Variants in TTLL5 observed in about 807,000 individuals in gnomAD.
TTLL5 encodes the protein tubulin tyrosine ligase like 5, also known as tubulin polyglutamylase TTLL5.
A neutral mutation model predicts 168.4 loss-of-function variants in TTLL5; 132 were observed. The observed-to-expected ratio is 0.78, with a 90% confidence interval of 0.68 to 0.91. TTLL5 has a LOEUF of 0.91. Ranked by LOEUF, TTLL5 falls within the 40% of genes least tolerant of loss-of-function variation. The probability of loss-of-function intolerance (pLI) is 0.00; values close to 1 mark genes in which losing one functional copy is unlikely to be tolerated. For synonymous variants in TTLL5, 546 were observed against 558.6 expected (o/e 0.98, Z 0.32); for missense variants, 1,545 against 1,581.5 (o/e 0.98, Z 0.39).
At chr14:75,745,284 T>G in intron 16 of TTLL5, 76 bp downstream of exon 16, 4 of 1,411,236 alleles carry the variant, frequency 2.8e-6, no homozygotes, top group Non-Finnish European at 4.0e-6. Flanking sequence ...TTGATAATAT[T>G]CATGACAAAC....
At chr14:75,943,640 A>G (rs556706401) in intron 31 of TTLL5, among the ~76,000 whole-genome samples, 20 of 152,218 alleles carry the variant, frequency 1.3e-4, no homozygotes, top group Non-Finnish European at 2.5e-4. Flanking sequence ...ACCTCAAATA[A>G]TTCCCACAGG....
chr14:75,705,850 T>C (rs1296229768), intron 7 of TTLL5, among the ~76,000 whole-genome samples: 4 of 152,090 alleles, frequency 2.6e-5, no homozygotes, highest in Non-Finnish European at 5.9e-5. Flanking sequence ...TAATCACATG[T>C]GAAGGTTTTT....
intron 28 of TTLL5, among the ~76,000 whole-genome samples, chr14:75,860,255 T>C (rs1897331775): frequency 6.6e-6 from 1 of 152,176 alleles, no homozygotes; most frequent in Non-Finnish European, 1.5e-5. Flanking sequence ...TTCACACACC[T>C]GCAAACCTGT....
intron 15 of TTLL5, among the ~76,000 whole-genome samples, chr14:75,736,747 A>G (rs975177343): frequency 3.3e-5 from 5 of 152,202 alleles, no homozygotes; most frequent in Admixed American, 2.0e-4. Flanking sequence ...CCCGTGCTGC[A>G]GAATTATTCC....
chr14:75,692,228 G>A (rs1001238314), intron 6 of TTLL5, among the ~76,000 whole-genome samples: 1 of 152,210 alleles, frequency 6.6e-6, no homozygotes, highest in African/African-American at 2.4e-5. Flanking sequence ...TTGGGATAGT[G>A]CCTGATAGGG....
chr14:75,773,754 G>A (rs1198528903), intron 21 of TTLL5, among the ~76,000 whole-genome samples: 1 of 151,316 alleles, frequency 6.6e-6, no homozygotes, highest in Non-Finnish European at 1.5e-5. Flanking sequence ...GCTGGGTGTG[G>A]TAGTGCGCAC....
intron 28 of TTLL5, among the ~76,000 whole-genome samples, chr14:75,846,037 A>G (rs930540223): frequency 2.6e-5 from 4 of 152,352 alleles, no homozygotes; most frequent in South Asian, 4.1e-4. Context: ...ACCCTAGTCT[A>G]TGCATTTGTA....
At chr14:75,724,222 T>C (rs1888039166) in intron 12 of TTLL5, among the ~76,000 whole-genome samples, 1 of 152,214 alleles carries the variant, frequency 6.6e-6, no homozygotes, top group Non-Finnish European at 1.5e-5. Flanking sequence ...GTTTGTATCC[T>C]ATGATTTCTT....
chr14:75,891,433 T>C (rs1008409803), intron 30 of TTLL5, among the ~76,000 whole-genome samples: 58 of 152,354 alleles, frequency 3.8e-4, no homozygotes, highest in African/African-American at 1.4e-3. Flanking sequence ...TCATCACATA[T>C]ATATTGAATG....
At chr14:75,859,257 G>A (rs1897289928) in intron 28 of TTLL5, among the ~76,000 whole-genome samples, 1 of 152,216 alleles carries the variant, frequency 6.6e-6, no homozygotes, top group Non-Finnish European at 1.5e-5. Context: ...GAAAAGTATA[G>A]CTCTTCAATG....
chr14:75,685,385 A>G (rs1884968233), intron 5 of TTLL5, among the ~76,000 whole-genome samples: 1 of 152,038 alleles, frequency 6.6e-6, no homozygotes, highest in African/African-American at 2.4e-5. Flanking sequence ...CAAAAAAAAA[A>G]AAAAAAAAAG....
intron 31 of TTLL5, among the ~76,000 whole-genome samples, chr14:75,907,845 TTAGGAGA>T (rs1184578401): frequency 1.3e-5 from 2 of 152,194 alleles, no homozygotes; most frequent in Non-Finnish European, 2.9e-5. Context: ...AGTATTTCCC[TTAGGAGA>T]CTGGCAGCCA....
At chr14:75,832,521 G>C (rs973307331) in intron 28 of TTLL5, among the ~76,000 whole-genome samples, 2 of 152,200 alleles carry the variant, frequency 1.3e-5, no homozygotes, top group Non-Finnish European at 2.9e-5. Context: ...CACCTGACTT[G>C]GGGCAAATCA....
At chr14:75,904,169 A>G (rs111971468) in intron 31 of TTLL5, 6 of 1,268,588 alleles carry the variant, frequency 4.7e-6, no homozygotes, top group Non-Finnish European at 6.1e-6. Flanking sequence ...AATTCAAGAA[A>G]TACTTGATGG....
intron 20 of TTLL5, among the ~76,000 whole-genome samples, chr14:75,766,576 CA>C (rs1890978956): frequency 6.6e-6 from 1 of 152,142 alleles, no homozygotes; most frequent in East Asian, 1.9e-4. Flanking sequence ...AGCTATGATA[CA>C]AACCCGGGTC....
In TTLL5 at chr14:75,723,010, T is replaced by C. The variant is rs549031481; in HGVS notation, c.1042+2307T>C. 2.6e-4 allele frequency among the ~76,000 whole-genome samples: 39 copies of C among 152,328 alleles called. No individual in the cohort carries two copies. The South Asian group carries it at 8.1e-3, about 32-fold the overall frequency. ...CACTCTGTTTGTAACTCTACAATAG[T>C]ATCTGTATGTTGTCTGGTAGTCATG... On this transcript the variant is annotated intron_variant, in intron 12 of 31. Coordinates refer to ENST00000298832, the MANE Select transcript of TTLL5 (RefSeq NM_015072.5).
intron 31 of TTLL5, among the ~76,000 whole-genome samples, chr14:75,951,606 TA>T (rs2034963896): frequency 6.7e-6 from 1 of 150,066 alleles, no homozygotes; most frequent in South Asian, 2.1e-4. Flanking sequence ...CAAAAAAATT[TA>T]AAAACTAGCC....
intron 3 of TTLL5, among the ~76,000 whole-genome samples, chr14:75,677,056 G>A (rs1372924382): frequency 6.6e-6 from 1 of 152,028 alleles, no homozygotes; most frequent in Non-Finnish European, 1.5e-5. Context: ...ACAGGCATGA[G>A]CCACCACACC....
At position 75,668,542 on chromosome 14, in the gene TTLL5, A is replaced by G. The variant is rs781572335; in HGVS notation, c.75-874A>G. 5.0e-4 allele frequency among the ~76,000 whole-genome samples: 76 copies of G among 152,338 alleles called. 1 individual carries two copies. Among genetic ancestry groups the G allele is most frequent in the East Asian group, 1.4e-3 (7 of 5,184 alleles). On this transcript the variant is annotated intron_variant, in intron 2 of 31. Transcript: ENST00000298832. ...AGGTTTTTCTGATCTGTGAGTAAAT[A>G]TTCATCAGCCTAAAATTAAGCTGAG...
Sources: allele counts gnomAD v4.1 joint callset (sites outside exome capture counted in the v4.1 genomes callset), GRCh38; gene constraint gnomAD v4.1.1; transcripts MANE v1.5; gene names NCBI Gene and HGNC (gene_info 2026-07-23, HGNC 2026-07-21).